Variants in NOTCH2 observed in about 807,000 individuals in gnomAD.
The protein encoded by NOTCH2 is neurogenic locus notch homolog protein 2.
In NOTCH2, 29 loss-of-function variants were observed where a neutral mutation model predicts 235.8. The ratio of observed to expected loss-of-function variants is 0.12; its 90% confidence interval spans 0.09 to 0.17. The LOEUF is 0.17. NOTCH2 is among the 10% of genes least tolerant of loss of function. NOTCH2 has a pLI of 1.00. For missense variants in NOTCH2, 2,285 were observed against 3,150.2 expected (o/e 0.73, Z 6.57); for synonymous variants, 1,086 against 1,141.5 (o/e 0.95, Z 0.98).
Position 120,066,058 on chromosome 1 carries a change from G to A in NOTCH2, c.73+3276C>T, listed in dbSNP as rs1284459514. 5.3e-5 allele frequency among the ~76,000 whole-genome samples: 8 copies of A among 151,892 alleles called. No individual in the cohort carries two copies. In the South Asian group the frequency reaches 1.3e-3, roughly 24 times the overall value. On this transcript the variant is annotated intron_variant, in intron 1 of 33. Coordinates refer to ENST00000256646, the MANE Select transcript of NOTCH2 (RefSeq NM_024408.4). ...AAGAAAAGGGAAAAGGAGAGGTGGA[G>A]AATTTATTATATCATCTAAATATAT...
At chr1:119,990,079 CTGA>C (rs1295181562) in intron 4 of NOTCH2, among the ~76,000 whole-genome samples, 4 of 88,810 alleles carry the variant, frequency 4.5e-5, no homozygotes, top group South Asian at 9.3e-4. Flanking sequence ...TGTCAATCAA[CTGA>C]TGATGGATAA....
chr1:120,013,811 C>T (rs1421802892), intron 2 of NOTCH2, among the ~76,000 whole-genome samples: 1 of 150,636 alleles, frequency 6.6e-6, no homozygotes, highest in East Asian at 2.0e-4. Flanking sequence ...GTAAGGTTCT[C>T]TGCTTGAAAA....
chr1:120,066,833 GAAT>G (rs1655527073), intron 1 of NOTCH2, among the ~76,000 whole-genome samples: 2 of 151,058 alleles, frequency 1.3e-5, no homozygotes, highest in African/African-American at 2.4e-5. Context: ...AAAAAAAAAG[GAAT>G]AATAAGAAAG....
In NOTCH2 at chr1:120,034,056, T is replaced by C. The variant is rs1340920494; in HGVS notation, c.74-4069A>G. Among the ~76,000 whole-genome samples the C allele has an allele frequency of 2.0e-5, 3 of 149,674 alleles. No individual in the cohort carries two copies. In the East Asian group the frequency reaches 6.0e-4, roughly 30 times the overall value. The stretch of plus-strand genomic sequence containing the variant: ...CATGAAAGTGAGACCGGGACAGACC[T>C]CATTTCAAAATTCAATTTACTTTTT... On this transcript the variant is annotated intron_variant, in intron 1 of 33. Coordinates refer to ENST00000256646, the MANE Select transcript of NOTCH2 (RefSeq NM_024408.4).
At chr1:119,999,063 C>G (rs1553204813) in intron 3 of NOTCH2, among the ~76,000 whole-genome samples, 1 of 117,280 alleles carries the variant, frequency 8.5e-6, no homozygotes, top group East Asian at 2.4e-4. Flanking sequence ...TGTATATGTG[C>G]CACATTTTCT....
chr1:119,961,927 C>A (rs1469777303), intron 11 of NOTCH2, among the ~76,000 whole-genome samples: 1 of 152,184 alleles, frequency 6.6e-6, no homozygotes, highest in Non-Finnish European at 1.5e-5. Flanking sequence ...TTCATAATGC[C>A]TCTTTTAATG....
At position 119,916,542 on chromosome 1, in the gene NOTCH2, G is replaced by T. The variant is rs972378092; in HGVS notation, c.6180C>A (p.Arg2060=). The T allele has an allele frequency of 6.2e-7, 1 of 1,613,852 alleles. No individual in the cohort carries two copies. Among genetic ancestry groups the T allele is most frequent in the African/African-American group, 1.3e-5 (1 of 75,004 alleles). ...ARDRMHHDIV[R]LLDEYNVTPS... is the part of the protein sequence containing the mutation. ...GGGTCACATTGTATTCATCCAGAAG[G>T]CGCACAATGTCATGGTGCATGCGAT... Residue 2060 remains arginine (R), a synonymous_variant, in exon 34 of 34, where the codon CGC becomes CGA. Transcript: ENST00000256646.
intron 3 of NOTCH2, among the ~76,000 whole-genome samples, chr1:120,002,378 AG>A (rs1259384506): frequency 1.3e-5 from 2 of 150,328 alleles, no homozygotes; most frequent in Non-Finnish European, 3.0e-5. Flanking sequence ...GGTAAGAAAG[AG>A]TATTCATGGA....
At chr1:120,064,509 G>A (rs1655428221) in intron 1 of NOTCH2, among the ~76,000 whole-genome samples, 1 of 151,944 alleles carries the variant, frequency 6.6e-6, no homozygotes, top group African/African-American at 2.4e-5. Context: ...TTCTAAAGGT[G>A]GGAAAGCAGG....
rs1345166838 is a variant in NOTCH2 at position 119,922,418 on chromosome 1, C to G, written c.5031G>C (p.Gln1677His). 6.2e-7 allele frequency: 1 copy of G among 1,613,472 alleles called. No individual in the cohort carries two copies. The highest frequency in any genetic ancestry group is 1.3e-5 in the African/African-American group (1 of 74,914). The change falls in exon 28 of 34, where the codon CAG (glutamine) becomes CAC (histidine). Residue 1677 changes from glutamine (Q) to histidine (H), a missense_variant. Gln to His is a conservative substitution (Grantham distance 24, BLOSUM62 0). Coordinates refer to ENST00000256646, the MANE Select transcript of NOTCH2 (RefSeq NM_024408.4). ...CAGCAACAGCAAGGAGATAGAGGAGCTGAGTGCGTTCTGGAGTCAGGGATT... is the reference window on the plus strand; with the variant it reads ...CAGCAACAGCAAGGAGATAGAGGAGGTGAGTGCGTTCTGGAGTCAGGGATT... ...VSESLTPERT[Q>H]LLYLLAVAVV...
chr1:120,036,868 C>T (rs1553211974), intron 1 of NOTCH2, among the ~76,000 whole-genome samples: 1 of 152,064 alleles, frequency 6.6e-6, no homozygotes. Flanking sequence ...AAAATTTCCT[C>T]TAGGCATTTA....
chr1:119,913,348 T>G lies in NOTCH2; in HGVS notation c.*1958A>C, dbSNP rs1193783537. 1 of 233,138 alleles carries G rather than the reference T, an allele frequency of 4.3e-6. No individual in the cohort carries two copies. The highest frequency in any genetic ancestry group is 5.6e-5 in the Admixed American group (1 of 17,782). 14.4% of individuals were successfully genotyped at this position (233,138 alleles called of 1,614,324 possible). On this transcript the variant is annotated 3_prime_UTR_variant, in exon 34 of 34. Coordinates refer to ENST00000256646, the MANE Select transcript of NOTCH2 (RefSeq NM_024408.4). ...CCAACAGACACGCAGGGTTTCCATA[T>G]GGGGCCACCGACAGACAAATCAGGT...
rs1649898865 is a variant in NOTCH2, at chr1:119,937,467, C to T, written c.3338-1G>A. The T allele has an allele frequency of 6.2e-7, 1 of 1,612,846 alleles. No individual in the cohort carries two copies. The highest frequency in any genetic ancestry group is 1.3e-5 in the African/African-American group (1 of 74,908). ...TGGCACAAGTGTTCAACAAGCACAC[C>T]TGGGAAACCCAGTGAGGGAGAAATG... On this transcript the variant is annotated splice_acceptor_variant, in intron 20 of 33. Coordinates refer to ENST00000256646, the MANE Select transcript of NOTCH2 (RefSeq NM_024408.4). LOFTEE classifies it high-confidence loss of function.
At chr1:120,027,195 AG>A (rs1653891231) in intron 2 of NOTCH2, among the ~76,000 whole-genome samples, 1 of 149,732 alleles carries the variant, frequency 6.7e-6, no homozygotes, top group Non-Finnish European at 1.5e-5. Flanking sequence ...GGAGAGTATG[AG>A]ACTAGCAGCC....
chr1:119,999,791 A>G (rs1201203001), intron 3 of NOTCH2, among the ~76,000 whole-genome samples: 1 of 151,998 alleles, frequency 6.6e-6, no homozygotes, highest in East Asian at 1.9e-4. Context: ...CTGAGGCACA[A>G]GAATCACTCG....
At chr1:119,921,041 A>C (rs587713287) in intron 29 of NOTCH2, among the ~76,000 whole-genome samples, 1 of 152,368 alleles carries the variant, frequency 6.6e-6, no homozygotes, top group South Asian at 2.1e-4. Flanking sequence ...GCATTTTACA[A>C]GGAAGGATAA....
intron 15 of NOTCH2, among the ~76,000 whole-genome samples, chr1:119,949,544 G>A (rs907877916): frequency 5.9e-5 from 9 of 151,748 alleles, no homozygotes; most frequent in Admixed American, 5.3e-4. Context: ...CCACCACGAC[G>A]CCCGGCTAAT....
At chr1:119,970,285 C>G (rs922571051) in intron 5 of NOTCH2, among the ~76,000 whole-genome samples, 1 of 151,974 alleles carries the variant, frequency 6.6e-6, no homozygotes, top group Non-Finnish European at 1.5e-5. Context: ...TATAACTGCA[C>G]AAAACTACAA....
intron 4 of NOTCH2, among the ~76,000 whole-genome samples, chr1:119,987,629 G>A (rs782028105): frequency 3.9e-5 from 6 of 152,118 alleles, no homozygotes; most frequent in Non-Finnish European, 7.3e-5. Flanking sequence ...CAAGCTATTC[G>A]TACATGGTAA....
Sources: gnomAD v4.1 joint callset for allele counts (sites outside exome capture counted in the v4.1 genomes callset) on GRCh38, gnomAD v4.1.1 for gene constraint, MANE v1.5 for transcripts, NCBI Gene and HGNC (gene_info 2026-07-23, HGNC 2026-07-21) for gene names.